The following ADGRB3 variants were observed in gnomAD, a reference collection of about 807,000 sequenced individuals.
ADGRB3 encodes the protein adhesion G protein-coupled receptor B3.
A neutral mutation model predicts 193.4 loss-of-function variants in ADGRB3; 37 were observed. That is an observed-to-expected ratio of 0.19 (90% CI 0.15 to 0.25). ADGRB3 has a LOEUF of 0.25. Among genes scored for constraint, ADGRB3 ranks in the 10% least tolerant of loss-of-function variants. ADGRB3 has a pLI of 1.00. For missense variants in ADGRB3, 1,637 were observed against 1,852.9 expected (o/e 0.88, Z 2.14); for synonymous variants, 690 against 644.2 (o/e 1.07, Z -1.08).
intron 17 of ADGRB3, among the ~76,000 whole-genome samples, chr6:69,124,543 G>A (rs773110744): frequency 2.6e-5 from 4 of 152,024 alleles, no homozygotes; most frequent in African/African-American, 7.3e-5. Flanking sequence ...GAGTGTTGTC[G>A]GGTTTACATA....
At chr6:69,157,700 T>TA (rs35319098) in intron 17 of ADGRB3, among the ~76,000 whole-genome samples, 27,063 of 138,206 alleles carry the variant, frequency 0.2, 2,595 homozygotes, top group Middle Eastern at 0.37. Flanking sequence ...TATCTCTCTG[T>TA]AAAAAAAAAA....
chr6:68,702,845 G>A (rs183470300), intron 3 of ADGRB3, among the ~76,000 whole-genome samples: 10 of 152,144 alleles, frequency 6.6e-5, no homozygotes, highest in African/African-American at 2.2e-4. Flanking sequence ...TGATACATTC[G>A]ACTGAAATAT....
At chr6:68,659,486 A>G (rs1768572342) in intron 3 of ADGRB3, among the ~76,000 whole-genome samples, 2 of 150,908 alleles carry the variant, frequency 1.3e-5, no homozygotes, top group South Asian at 4.1e-4. Flanking sequence ...TTTATTTCAT[A>G]TTTATATATG....
At chr6:68,808,868 G>C (rs1467789587) in intron 3 of ADGRB3, among the ~76,000 whole-genome samples, 3 of 152,174 alleles carry the variant, frequency 2.0e-5, no homozygotes, top group Non-Finnish European at 2.9e-5. Flanking sequence ...ACCTGTAAAA[G>C]AGTAACACTG....
intron 3 of ADGRB3, among the ~76,000 whole-genome samples, chr6:68,660,208 A>G (rs921075641): frequency 2.7e-5 from 4 of 150,180 alleles, no homozygotes; most frequent in African/African-American, 4.9e-5. Flanking sequence ...AACTTTTCAG[A>G]TGTTTAATAT....
At chr6:69,233,089 C>T (rs554276889) in intron 17 of ADGRB3, 33 of 707,286 alleles carry the variant, frequency 4.7e-5, no homozygotes, top group South Asian at 7.7e-5. Flanking sequence ...CGCACCGCCG[C>T]CTGCTTGCTT....
chr6:68,858,802 A>G (rs1180825700), intron 3 of ADGRB3, among the ~76,000 whole-genome samples: 3 of 152,102 alleles, frequency 2.0e-5, no homozygotes, highest in African/African-American at 7.2e-5. Context: ...TAGACTGCAC[A>G]CAGTGTGGGA....
intron 15 of ADGRB3, 66 bp downstream of exon 15, chr6:69,049,412 T>C: frequency 8.5e-7 from 1 of 1,181,804 alleles, no homozygotes. Flanking sequence ...TATAGCTCAT[T>C]CTATAAAAAT....
chr6:68,775,685 T>C (rs2127358637), intron 3 of ADGRB3, among the ~76,000 whole-genome samples: 1 of 152,240 alleles, frequency 6.6e-6, no homozygotes, highest in South Asian at 2.1e-4. Flanking sequence ...CAAGACTCCA[T>C]TTTGTGTTTT....
intron 3 of ADGRB3, among the ~76,000 whole-genome samples, chr6:68,868,730 T>C (rs1397387351): frequency 6.6e-6 from 1 of 152,218 alleles, no homozygotes; most frequent in African/African-American, 2.4e-5. Context: ...ATTATCTTTC[T>C]CTGAGATGCT....
At chr6:69,288,899 A>G (rs574431903) in intron 20 of ADGRB3, among the ~76,000 whole-genome samples, 3 of 152,274 alleles carry the variant, frequency 2.0e-5, no homozygotes, top group South Asian at 4.1e-4. Flanking sequence ...CAACTTGCAA[A>G]GGAACACGCT....
chr6:69,055,306 A>G (rs556488939), intron 15 of ADGRB3, among the ~76,000 whole-genome samples: 7 of 152,230 alleles, frequency 4.6e-5, no homozygotes, highest in African/African-American at 1.4e-4. Context: ...ACTCCCTCTG[A>G]CCCTTAGCAA....
rs61754116 is a variant in ADGRB3 at position 69,235,095 on chromosome 6, G to T, written c.2671G>T (p.Ala891Ser). ...LIVGSGLSCL[A>S]LITLAVVYAA... Reference sequence around the variant, plus strand: ...AGTAGGCAGTGGTCTTTCTTGCTTGGCCTTGATTACCCTAGCAGTTGTCTA... The same window carrying T: ...AGTAGGCAGTGGTCTTTCTTGCTTGTCCTTGATTACCCTAGCAGTTGTCTA... Residue 891 changes from alanine to serine, a missense_variant, in exon 19 of 32, where the codon GCC (alanine) becomes TCC (serine). Ala to Ser is a moderately conservative substitution (Grantham distance 99, BLOSUM62 1). Coordinates refer to ENST00000370598, the MANE Select transcript of ADGRB3 (RefSeq NM_001704.3). 429 of 1,612,966 alleles carry T rather than the reference G, an allele frequency of 2.7e-4. 1 individual carries two copies. Among genetic ancestry groups the T allele is most frequent in the African/African-American group, 2.2e-3 (163 of 74,968 alleles).
At chr6:68,962,864 ACTCTT>A (rs1351327913) in intron 8 of ADGRB3, among the ~76,000 whole-genome samples, 1 of 151,974 alleles carries the variant, frequency 6.6e-6, no homozygotes, top group Non-Finnish European at 1.5e-5. Context: ...CTGCCCCAGC[ACTCTT>A]CTCTTTTGTT....
intron 17 of ADGRB3, among the ~76,000 whole-genome samples, chr6:69,099,676 C>A (rs1449312494): frequency 2.0e-5 from 3 of 152,182 alleles, no homozygotes; most frequent in Non-Finnish European, 4.4e-5. Context: ...ACTCTGAATA[C>A]ATTTGCGTTT....
chr6:69,277,326 C>T (rs913596424), intron 20 of ADGRB3, among the ~76,000 whole-genome samples: 1 of 152,112 alleles, frequency 6.6e-6, no homozygotes, highest in Non-Finnish European at 1.5e-5. Flanking sequence ...TACTCCATCT[C>T]TTCACTTAAA....
chr6:69,288,175 C>A (rs1767591649), intron 20 of ADGRB3, among the ~76,000 whole-genome samples: 1 of 152,090 alleles, frequency 6.6e-6, no homozygotes, highest in African/African-American at 2.4e-5. Context: ...TTAAGTATTT[C>A]TCCTAATGCT....
chr6:68,981,393 A>C (rs1436923923), intron 10 of ADGRB3, among the ~76,000 whole-genome samples: 1 of 151,678 alleles, frequency 6.6e-6, no homozygotes, highest in Non-Finnish European at 1.5e-5. Context: ...GGAAACAAAC[A>C]AACTTGGAAG....
chr6:68,966,395 C>T (rs1768381851), intron 8 of ADGRB3, among the ~76,000 whole-genome samples: 1 of 152,030 alleles, frequency 6.6e-6, no homozygotes, highest in Admixed American at 6.6e-5. Context: ...AAGATCCTTG[C>T]TTACCTCATC....
Sources: allele counts gnomAD v4.1 joint callset (sites outside exome capture counted in the v4.1 genomes callset), GRCh38; gene constraint gnomAD v4.1.1; transcripts MANE v1.5; gene names NCBI Gene and HGNC (gene_info 2026-07-23, HGNC 2026-07-21).